Variants in PLA2G4D observed in about 807,000 individuals in gnomAD.
PLA2G4D encodes phospholipase A2 group IVD, also known as cytosolic phospholipase A2 delta.
Under a neutral mutation model 94.4 loss-of-function variants are expected in PLA2G4D, and 80 were observed. The observed-to-expected ratio is 0.85, with a 90% CI of 0.71 to 1.02. The LOEUF (loss-of-function observed/expected upper bound fraction) is 1.02, where lower values mean the gene tolerates loss of function less well. Among genes scored for constraint, PLA2G4D ranks in the 50% least tolerant of loss-of-function variants. PLA2G4D has a pLI of 0.00. For synonymous variants in PLA2G4D, 438 were observed against 440.9 expected (o/e 0.99, Z 0.08); for missense variants, 1,050 against 1,034.7 (o/e 1.01, Z -0.20).
intron 14 of PLA2G4D, 71 bp from the exon 15 acceptor site, chr15:42,071,982 GAC>G: frequency 6.4e-7 from 1 of 1,553,922 alleles, no homozygotes; most frequent in East Asian, 2.3e-5. Flanking sequence ...TCTGGCGAAA[GAC>G]ACTGCCCCTG....
Position 42,086,194 on chromosome 15 carries a change from T to TGGGGGGGCCCCCC in PLA2G4D, c.387+18_387+19insGGGGGGCCCCCCC. The TGGGGGGGCCCCCC allele has an allele frequency of 1.5e-6, 2 of 1,370,444 alleles. No individual in the cohort carries two copies. The highest frequency in any genetic ancestry group is 1.5e-5 in the South Asian group (1 of 66,866). The allele number at this position is 1,370,444 out of a possible 1,614,324, so 84.9% of individuals were successfully genotyped here. On this transcript the variant is annotated intron_variant, in intron 4 of 19. Coordinates refer to ENST00000290472, the MANE Select transcript of PLA2G4D (RefSeq NM_178034.4). ...GGAAGAAGTGGGGCCCACGGGGACT[T>TGGGGGGGCCCCCC]CCCCACCCACCCACCCACCTGGGGA...
rs776253584 is a variant in PLA2G4D, at chr15:42,071,080, G to C, written c.1876+43C>G. The C allele has an allele frequency of 2.5e-6, 4 of 1,591,326 alleles. No homozygotes were observed. In the South Asian group the frequency reaches 4.6e-5, roughly 18 times the overall value. The stretch of plus-strand genomic sequence containing the variant: ...GCCAGTCCCTGCCACACCACCCAGA[G>C]GCCCAACCTTGTGACCTAGGGACCC... On this transcript the variant is annotated intron_variant, in intron 17 of 19. Coordinates refer to ENST00000290472, the MANE Select transcript of PLA2G4D (RefSeq NM_178034.4).
chr15:42,070,102 G>T lies in PLA2G4D; in HGVS notation c.2044-7C>A. 6.7e-7 allele frequency: 1 copy of T among 1,489,454 alleles called. No individual in the cohort carries two copies. The highest frequency in any genetic ancestry group is 8.9e-7 in the Non-Finnish European group (1 of 1,125,058). 92.3% of individuals were successfully genotyped at this position (1,489,454 alleles called of 1,614,324 possible). On this transcript the variant is annotated splice_polypyrimidine_tract_variant and splice_region_variant and intron_variant, in intron 18 of 19. Transcript: ENST00000290472. ...GCTCCGTCTGCTGCAGTGCCTGGTG[G>T]GGAGAAGGTGGCCCGGAGAGAACCA... is the stretch of plus-strand genomic sequence containing the variant.
At chr15:42,074,889 A>T (rs1156656985) in intron 13 of PLA2G4D, among the ~76,000 whole-genome samples, 1 of 152,258 alleles carries the variant, frequency 6.6e-6, no homozygotes, top group Non-Finnish European at 1.5e-5. Flanking sequence ...ATAATAAATT[A>T]AAAACCTTTC....
At chr15:42,092,300 C>G (rs1367402893) in intron 1 of PLA2G4D, among the ~76,000 whole-genome samples, 1 of 152,172 alleles carries the variant, frequency 6.6e-6, no homozygotes, top group Non-Finnish European at 1.5e-5. Flanking sequence ...ATTCAAACTT[C>G]CAGGCCAGAG....
In PLA2G4D at chr15:42,084,999, C is replaced by T; in HGVS notation, c.471+97G>A. ...GTGGTTTTACCACGAAGCCCTGCCC[C>T]TTCCTTGTCCCTGCTGGTCCACACC... On this transcript the variant is annotated intron_variant, in intron 6 of 19. Coordinates refer to ENST00000290472, the MANE Select transcript of PLA2G4D (RefSeq NM_178034.4). This position sits in a 1 kb window ranked among gnomAD's most constrained non-coding sequence, Gnocchi z 4.8. 1 of 1,425,188 alleles carries T rather than the reference C, an allele frequency of 7.0e-7. No individual in the cohort carries two copies. The highest frequency in any genetic ancestry group is 9.8e-7 in the Non-Finnish European group (1 of 1,016,344). The allele number at this position is 1,425,188 out of a possible 1,614,324, so 88.3% of individuals were successfully genotyped here. A position where few individuals can be genotyped will look rare whatever the true frequency, so the allele number is the denominator to read the frequency against.
intron 1 of PLA2G4D, among the ~76,000 whole-genome samples, chr15:42,092,598 C>T (rs1018005003): frequency 6.6e-6 from 1 of 152,192 alleles, no homozygotes; most frequent in African/African-American, 2.4e-5. Flanking sequence ...TAATTGATGA[C>T]TAACCCGGAG....
Position 42,084,970 on chromosome 15 carries a change from A to G in PLA2G4D, c.471+126T>C. 9.4e-7 allele frequency: 1 copy of G among 1,064,002 alleles called. No individual in the cohort carries two copies. The highest frequency in any genetic ancestry group is 1.4e-6 in the Non-Finnish European group (1 of 710,704). 65.9% of individuals were successfully genotyped at this position (1,064,002 alleles called of 1,614,324 possible). ...CAGGTGACCACCTGGCTGGAAGGCT[A>G]GGGGTGGTTTTACCACGAAGCCCTG... On this transcript the variant is annotated intron_variant, in intron 6 of 19. Transcript: ENST00000290472. The surrounding 1 kb of genome is among the most constrained non-coding windows in gnomAD (Gnocchi z 4.8).
At chr15:42,085,460 G>C in intron 5 of PLA2G4D, 31 bp downstream of exon 5, 3 of 1,612,874 alleles carry the variant, frequency 1.9e-6, no homozygotes, top group Non-Finnish European at 2.5e-6. Flanking sequence ...TGAGTCCTGA[G>C]ACACTCCCTG....
chr15:42,091,567 A>G (rs957072418), intron 1 of PLA2G4D, among the ~76,000 whole-genome samples: 3 of 144,000 alleles, frequency 2.1e-5, no homozygotes, highest in Non-Finnish European at 3.1e-5. Flanking sequence ...GCTACTTAGC[A>G]GACCGGGAAA....
At chr15:42,078,264 T>C (rs1332916443) in intron 13 of PLA2G4D, among the ~76,000 whole-genome samples, 3 of 152,364 alleles carry the variant, frequency 2.0e-5, no homozygotes, top group Middle Eastern at 3.4e-3. Context: ...ACCCCAGTTT[T>C]GAGGCTCCCT....
At chr15:42,082,209 G>T in intron 9 of PLA2G4D, 70 bp downstream of exon 9, 1 of 1,364,156 alleles carries the variant, frequency 7.3e-7, no homozygotes. Context: ...TGGGATTACA[G>T]GCTTGAGCCA....
rs112869444 is a variant in PLA2G4D, at chr15:42,081,080, T to C, written c.1011A>G (p.Ser337=). Residue 337 remains serine (S), a synonymous_variant, in exon 12 of 20, where the codon TCA becomes TCG. Transcript: ENST00000290472. ...ATGGGARAMT[S]LYGHLLALQK... ...GCAAGGCCAATAGGTGGCCGTAGAG[T>C]GAGGTCATGGCCCGGGCACCTCCTC... 10,716 of 1,613,874 alleles carry C rather than the reference T, an allele frequency of 6.6e-3. 197 individuals are homozygous for C. Among genetic ancestry groups the C allele is most frequent in the African/African-American group, 0.055 (4,157 of 74,928 alleles).
intron 3 of PLA2G4D, 61 bp from the exon 4 acceptor site, chr15:42,086,405 TG>T: frequency 6.5e-7 from 1 of 1,548,578 alleles, no homozygotes. Flanking sequence ...AGCTCACCTC[TG>T]TTGAGCCCTT....
chr15:42,085,465 T>C, intron 5 of PLA2G4D, 26 bp downstream of exon 5: 1 of 1,613,344 alleles, frequency 6.2e-7, no homozygotes, highest in Non-Finnish European at 8.5e-7. Flanking sequence ...CCTGAGACAC[T>C]CCCTGGGCTG....
chr15:42,093,958 C>A (rs1443913170), intron 1 of PLA2G4D, among the ~76,000 whole-genome samples: 1 of 152,168 alleles, frequency 6.6e-6, no homozygotes, highest in Non-Finnish European at 1.5e-5. Context: ...GGCCTGGATG[C>A]AGCCCCACAG....
intron 1 of PLA2G4D, 86 bp downstream of exon 1, chr15:42,094,329 T>G: frequency 6.8e-7 from 1 of 1,474,082 alleles, no homozygotes; most frequent in Non-Finnish European, 9.3e-7. Context: ...GAAATCACCC[T>G]GATTCCAGCT....
chr15:42,068,964 T>A (rs1024842392), intron 19 of PLA2G4D, 23 bp from the exon 20 acceptor site: 1 of 1,595,686 alleles, frequency 6.3e-7, no homozygotes. Flanking sequence ...AGGAGGGGTG[T>A]CAGGAGCAGG....
chr15:42,071,840 C>T lies in PLA2G4D; in HGVS notation c.1507G>A (p.Gly503Ser), dbSNP rs191357380. The T allele has an allele frequency of 4.1e-4, 654 of 1,614,182 alleles. No homozygotes were observed. The highest frequency in any genetic ancestry group is 9.9e-4 in the Middle Eastern group (6 of 6,062). ...YGAFVPPELFGSEFFMGRLMR... is the reference protein window; with the variant it reads ...YGAFVPPELFSSEFFMGRLMR... Reference sequence around the variant, plus strand: ...AGCCGTCCCATGAAGAACTCGGAGCCGAAGAGCTCAGGAGGGACGAAGGCC... The same window carrying T: ...AGCCGTCCCATGAAGAACTCGGAGCTGAAGAGCTCAGGAGGGACGAAGGCC... The change falls in exon 15 of 20, where the codon GGC (glycine) becomes AGC (serine). Residue 503 changes from glycine to serine, a missense_variant. Physicochemically the swap from Gly to Ser is moderately conservative, Grantham distance 56. Coordinates refer to ENST00000290472, the MANE Select transcript of PLA2G4D (RefSeq NM_178034.4).
Sources: allele counts gnomAD v4.1 joint callset (sites outside exome capture counted in the v4.1 genomes callset), GRCh38; gene constraint gnomAD v4.1.1; non-coding constraint Gnocchi (gnomAD v3.1); transcripts MANE v1.5; gene names NCBI Gene and HGNC (gene_info 2026-07-23, HGNC 2026-07-21).